L3MBTL4: variants seen among roughly 807,000 people sequenced by gnomAD.
The protein encoded by L3MBTL4 is lethal(3)malignant brain tumor-like protein 4.
In L3MBTL4, 70 loss-of-function variants were observed where a neutral mutation model predicts 84.5. The observed-to-expected ratio is 0.83, with a 90% CI of 0.68 to 1.01. The LOEUF (loss-of-function observed/expected upper bound fraction) is 1.01. Among genes scored for constraint, L3MBTL4 ranks in the 50% least tolerant of loss-of-function variants. L3MBTL4 has a pLI of 0.00. For synonymous variants in L3MBTL4, 274 were observed against 259.8 expected, an observed-to-expected ratio of 1.05 and a Z score of -0.52; for missense variants, 715 against 754.8, an observed-to-expected ratio of 0.95 and a Z score of 0.62.
intron 16 of L3MBTL4, among the ~76,000 whole-genome samples, chr18:5,999,567 T>C (rs1338976077): frequency 6.6e-6 from 1 of 152,234 alleles, no homozygotes; most frequent in Non-Finnish European, 1.5e-5. Context: ...GCAAGGAATA[T>C]GGCTGTGAGC....
intron 16 of L3MBTL4, 100 bp downstream of exon 16, chr18:6,080,781 C>A: frequency 1.2e-6 from 1 of 842,818 alleles, no homozygotes; most frequent in Non-Finnish European, 1.8e-6. Context: ...GCTCTTTCTA[C>A]CATTCCCTGT....
Position 6,203,217 on chromosome 18 carries a change from A to G in L3MBTL4, c.981+9932T>C, listed in dbSNP as rs533627626. On this transcript the variant is annotated intron_variant, in intron 12 of 18. Coordinates refer to ENST00000317931, the MANE Select transcript of L3MBTL4 (RefSeq NM_001330559.2). Reference sequence around the variant, plus strand: ...AGAAAACAAGTAAACATAATGGCACAGAATGTATGATAATAATTACTACCC... The same window carrying G: ...AGAAAACAAGTAAACATAATGGCACGGAATGTATGATAATAATTACTACCC... Among the ~76,000 whole-genome samples, 3 of 152,048 alleles carry G rather than the reference A, an allele frequency of 2.0e-5. No individual in the cohort carries two copies. In the South Asian group the frequency reaches 6.2e-4, roughly 32 times the overall value.
Position 6,080,909 on chromosome 18 carries a change from T to G in L3MBTL4, c.1416A>C (p.Glu472Asp). ...TGAAGAGATTATCCAAGTCAATATC[T>G]TCTTTTCCTTTGATTTTCAAACACT... ...QAKCLKIKGK[E>D]DIDLDNLFRE... Residue 472 changes from glutamate (E) to aspartate (D), a missense_variant, in exon 16 of 19, where the codon GAA becomes GAC. By Grantham distance (45) the Glu-to-Asp change is conservative. Transcript: ENST00000317931. 1 of 1,608,694 alleles carries G rather than the reference T, an allele frequency of 6.2e-7. No homozygotes were observed. Among genetic ancestry groups the G allele is most frequent in the East Asian group, 2.2e-5 (1 of 44,824 alleles).
chr18:6,182,486 G>C (rs564931095), intron 12 of L3MBTL4, among the ~76,000 whole-genome samples: 4 of 152,110 alleles, frequency 2.6e-5, no homozygotes, highest in African/African-American at 9.7e-5. Flanking sequence ...CCATTCTGTA[G>C]GCTGTCCATT....
At chr18:6,150,158 G>T (rs1278882459) in intron 13 of L3MBTL4, among the ~76,000 whole-genome samples, 1 of 152,120 alleles carries the variant, frequency 6.6e-6, no homozygotes, top group East Asian at 1.9e-4. Flanking sequence ...AAAATGTCAA[G>T]CTGGTTAGTT....
At chr18:6,146,201 C>A (rs532328706) in intron 13 of L3MBTL4, among the ~76,000 whole-genome samples, 126 of 152,316 alleles carry the variant, frequency 8.3e-4, no homozygotes, top group Non-Finnish European at 1.4e-3. Context: ...TGAGAACACA[C>A]CTACCTCGCT....
chr18:6,093,861 T>C (rs1053099657), intron 14 of L3MBTL4, among the ~76,000 whole-genome samples: 2 of 152,262 alleles, frequency 1.3e-5, no homozygotes, highest in Non-Finnish European at 2.9e-5. Flanking sequence ...ACTCAGTTTG[T>C]ATCCTCAATA....
chr18:6,229,890 G>A (rs2046925166), intron 10 of L3MBTL4, among the ~76,000 whole-genome samples: 2 of 152,102 alleles, frequency 1.3e-5, no homozygotes, highest in East Asian at 3.9e-4. Flanking sequence ...TTTTCGGTAA[G>A]TTCTGAAATC....
At chr18:6,147,578 A>G (rs1264456590) in intron 13 of L3MBTL4, among the ~76,000 whole-genome samples, 1 of 152,226 alleles carries the variant, frequency 6.6e-6, no homozygotes, top group Non-Finnish European at 1.5e-5. Context: ...CACGATGGCA[A>G]TATTAGTAGA....
At chr18:6,322,982 T>A (rs2051506832) in intron 1 of L3MBTL4, among the ~76,000 whole-genome samples, 1 of 152,108 alleles carries the variant, frequency 6.6e-6, no homozygotes, top group Admixed American at 6.5e-5. Context: ...TTGGTAACAG[T>A]GAGTAAGTTC....
chr18:6,289,172 TA>T (rs2049732118), intron 4 of L3MBTL4, among the ~76,000 whole-genome samples: 1 of 152,252 alleles, frequency 6.6e-6, no homozygotes, highest in South Asian at 2.1e-4. Flanking sequence ...TAAACAAGTT[TA>T]AAAAGATTTA....
At chr18:6,286,378 C>T (rs989855994) in intron 4 of L3MBTL4, among the ~76,000 whole-genome samples, 1 of 151,800 alleles carries the variant, frequency 6.6e-6, no homozygotes, top group East Asian at 2.0e-4. Flanking sequence ...GCGGAAGAAT[C>T]GCTTGAACCC....
In L3MBTL4 at chr18:6,303,986, C is replaced by A. The variant is rs553832675; in HGVS notation, c.73-2029G>T. ...CTGAGATCACGCCGTTGCACTCCAG[C>A]GTGGGCAACAAGAGCTAAACTCCAT... On this transcript the variant is annotated intron_variant, in intron 3 of 18. Coordinates refer to ENST00000317931, the MANE Select transcript of L3MBTL4 (RefSeq NM_001330559.2). Among the ~76,000 whole-genome samples the A allele has an allele frequency of 1.7e-4, 24 of 137,702 alleles. 1 individual carries two copies. The East Asian group carries it at 5.2e-3, about 30-fold the overall frequency. 90.3% of individuals were successfully genotyped at this position (137,702 alleles called of 152,430 possible).
rs992484662 is a variant in L3MBTL4 at position 5,955,509 on chromosome 18, G to A, written c.*711C>T. The A allele has an allele frequency of 2.0e-5, 3 of 152,278 alleles. No individual in the cohort carries two copies. Among genetic ancestry groups the A allele is most frequent in the African/African-American group, 7.2e-5 (3 of 41,458 alleles). 9.4% of individuals were successfully genotyped at this position (152,278 alleles called of 1,614,324 possible). On this transcript the variant is annotated 3_prime_UTR_variant, in exon 19 of 19. Transcript: ENST00000317931. ...CCCCGCTGATGGTGGAGGGTCCTCA[G>A]AAGGGTCTCTCCAGCTTTTGGAAGT...
chr18:5,978,497 C>T (rs1431102448), intron 16 of L3MBTL4, among the ~76,000 whole-genome samples: 2 of 152,172 alleles, frequency 1.3e-5, no homozygotes, highest in African/African-American at 4.8e-5. Context: ...AGAGGAGACA[C>T]CATAACTGAA....
chr18:6,239,329 A>T (rs901546216), intron 9 of L3MBTL4, among the ~76,000 whole-genome samples: 1 of 142,396 alleles, frequency 7.0e-6, no homozygotes, highest in African/African-American at 2.8e-5. Flanking sequence ...CGACAGAGCG[A>T]GACTCCGTCT....
rs565796539 is a variant in L3MBTL4 at position 6,404,749 on chromosome 18, C to A, written c.-91+10052G>T. On this transcript the variant is annotated intron_variant, in intron 1 of 18. Transcript: ENST00000317931. The stretch of plus-strand genomic sequence containing the variant: ...TCACCTAGGCTGGAGTGAAGTGGCT[C>A]AAACACAGCTCACTGCTGCCTCGGT... Among the ~76,000 whole-genome samples the A allele has an allele frequency of 2.7e-3, 415 of 152,236 alleles. 1 individual carries two copies. The highest frequency in any genetic ancestry group is 9.6e-3 in the African/African-American group (398 of 41,534).
At chr18:6,241,567 A>C (rs1266460924) in intron 7 of L3MBTL4, 118 bp from the exon 8 acceptor site, 4 of 583,264 alleles carry the variant, frequency 6.9e-6, no homozygotes, top group Non-Finnish European at 9.1e-6. Context: ...TGGAAAAAAA[A>C]CGCAATTACT....
At chr18:6,117,680 A>C (rs2059399357) in intron 14 of L3MBTL4, among the ~76,000 whole-genome samples, 1 of 152,220 alleles carries the variant, frequency 6.6e-6, no homozygotes, top group African/African-American at 2.4e-5. Flanking sequence ...ATTTGTCGTA[A>C]AACATTTGTG....
Sources: gnomAD v4.1 joint callset for allele counts (sites outside exome capture counted in the v4.1 genomes callset) on GRCh38, gnomAD v4.1.1 for gene constraint, MANE v1.5 for transcripts, NCBI Gene and HGNC (gene_info 2026-07-23, HGNC 2026-07-21) for gene names.